The following MICOS10 variants were observed in gnomAD, a reference collection of about 807,000 sequenced individuals.
MICOS10 encodes the protein mitochondrial contact site and cristae organizing system subunit 10.
In MICOS10, 5 loss-of-function variants were observed where a neutral mutation model predicts 13.4. That is an observed-to-expected ratio of 0.37 (90% confidence interval 0.20 to 0.78). The LOEUF (loss-of-function observed/expected upper bound fraction) is 0.78. MICOS10 is among the 30% of genes least tolerant of loss of function. The probability of loss-of-function intolerance (pLI) is 0.47; values close to 1 mark genes in which losing one functional copy is unlikely to be tolerated. For synonymous variants in MICOS10, 35 were observed against 33.6 expected (o/e 1.04, Z -0.15); for missense variants, 101 against 94.6 (o/e 1.07, Z -0.28).
At chr1:19,601,046 C>T in intron 1 of MICOS10, 2 of 1,272,998 alleles carry the variant, frequency 1.6e-6, no homozygotes, top group Non-Finnish European at 2.1e-6. Context: ...TATTTTCCCA[C>T]CTGTTTGCTG....
intron 1 of MICOS10, among the ~76,000 whole-genome samples, chr1:19,615,485 ATAATC>A (rs539672098): frequency 4.2e-4 from 64 of 152,336 alleles, no homozygotes; most frequent in Non-Finnish European, 5.9e-5. Flanking sequence ...CAGCTAGTAA[ATAATC>A]TAATAGTATT....
intron 2 of MICOS10, 123 bp downstream of exon 2, chr1:19,622,270 GT>G: frequency 1.6e-6 from 1 of 636,172 alleles, no homozygotes; most frequent in Non-Finnish European, 2.7e-6. Context: ...CATTTATGGG[GT>G]TAGGTAGCCC....
rs1461103240 is a variant in MICOS10, at chr1:19,627,977, T to G, written c.*1576T>G. 1 of 152,318 alleles carries G rather than the reference T, an allele frequency of 6.6e-6. No individual in the cohort carries two copies. Among genetic ancestry groups the G allele is most frequent in the Non-Finnish European group, 1.5e-5 (1 of 68,100 alleles). 9.4% of individuals were successfully genotyped at this position (152,318 alleles called of 1,614,324 possible). A position where few individuals can be genotyped will look rare whatever the true frequency, so the allele number is the denominator to read the frequency against. On this transcript the variant is annotated 3_prime_UTR_variant, in exon 4 of 4. Coordinates refer to ENST00000322753, the MANE Select transcript of MICOS10 (RefSeq NM_001032363.4). ...TTCCTCTTTATTGCTACTTGGCTGT[T>G]TTTCACTTGGTCCTCTTCATTCTAT...
rs1299799435 is a variant in MICOS10 at position 19,622,182 on chromosome 1, T to C, written c.112+35T>C. ...ACTCTGTCTTTTCAACATAATGTCATAGTGTATACATATACGTAGCAGGGA... is the reference window on the plus strand; with the variant it reads ...ACTCTGTCTTTTCAACATAATGTCACAGTGTATACATATACGTAGCAGGGA... On this transcript the variant is annotated intron_variant, in intron 2 of 3. Transcript: ENST00000322753. 2.6e-6 allele frequency: 4 copies of C among 1,551,206 alleles called. No homozygotes were observed. The African/African-American group carries it at 4.1e-5, about 16-fold the overall frequency.
At chr1:19,613,094 A>T (rs561814645) in intron 1 of MICOS10, among the ~76,000 whole-genome samples, 22 of 152,252 alleles carry the variant, frequency 1.4e-4, no homozygotes, top group African/African-American at 5.1e-4. Flanking sequence ...ATCATGGAAT[A>T]CAGGAAAGGT....
Position 19,597,006 on chromosome 1 carries a change from G to A in MICOS10, c.-40G>A. 2 of 1,567,366 alleles carry A rather than the reference G, an allele frequency of 1.3e-6. No individual in the cohort carries two copies. The highest frequency in any genetic ancestry group is 1.7e-6 in the Non-Finnish European group (2 of 1,160,434). On this transcript the variant is annotated 5_prime_UTR_variant, in exon 1 of 4. Transcript: ENST00000322753. ...GAGACTTTCAGGGGTCGGAGCGCGG[G>A]GGCCGGCCGAGAGGAAAGCTGGAGG...
intron 1 of MICOS10, among the ~76,000 whole-genome samples, chr1:19,601,914 C>T (rs1323721226): frequency 6.6e-6 from 1 of 152,090 alleles, no homozygotes; most frequent in African/African-American, 2.4e-5. Context: ...GACCTCTATT[C>T]TTATTCCTGC....
chr1:19,623,780 C>T (rs940859746), intron 3 of MICOS10, 197 bp downstream of exon 3: 9 of 516,608 alleles, frequency 1.7e-5, no homozygotes, highest in African/African-American at 9.6e-5. Flanking sequence ...CCTTCAGATG[C>T]GTATGTACGT....
chr1:19,597,417 T>G (rs1188713515), intron 1 of MICOS10, among the ~76,000 whole-genome samples: 1 of 152,058 alleles, frequency 6.6e-6, no homozygotes, highest in African/African-American at 2.4e-5. Flanking sequence ...GGGCACACCC[T>G]CGTGCCGGAG....
intron 1 of MICOS10, among the ~76,000 whole-genome samples, chr1:19,605,788 A>G (rs1389635942): frequency 6.6e-6 from 1 of 152,170 alleles, no homozygotes; most frequent in East Asian, 1.9e-4. Flanking sequence ...TCCTGGGCTC[A>G]AGTGATCCTC....
intron 1 of MICOS10, among the ~76,000 whole-genome samples, chr1:19,604,589 C>T (rs1366818984): frequency 1.3e-5 from 2 of 152,162 alleles, no homozygotes; most frequent in Non-Finnish European, 2.9e-5. Context: ...TTACCCTGAT[C>T]TTGGCTATTG....
At chr1:19,615,712 G>T in intron 1 of MICOS10, among the ~76,000 whole-genome samples, 1 of 144,450 alleles carries the variant, frequency 6.9e-6, no homozygotes, top group Admixed American at 7.2e-5. Flanking sequence ...CCCCCGAGTA[G>T]AGCTGGGACT....
At chr1:19,625,605 C>A in intron 3 of MICOS10, 1 of 1,289,344 alleles carries the variant, frequency 7.8e-7, no homozygotes, top group Non-Finnish European at 1.0e-6. Context: ...GTGGGGAGAA[C>A]CGAAAGGAGC....
intron 1 of MICOS10, among the ~76,000 whole-genome samples, chr1:19,621,652 G>A (rs1211954849): frequency 2.0e-5 from 3 of 152,144 alleles, no homozygotes; most frequent in Non-Finnish European, 4.4e-5. Context: ...GAATTGTTCT[G>A]GATTACTGCT....
chr1:19,598,671 G>A (rs2094802221), intron 1 of MICOS10, among the ~76,000 whole-genome samples: 1 of 151,136 alleles, frequency 6.6e-6, no homozygotes, highest in South Asian at 2.1e-4. Context: ...AGCTGAGTTC[G>A]AATCATCCAC....
At chr1:19,600,796 T>A (rs2094811162) in intron 1 of MICOS10, 1 of 781,782 alleles carries the variant, frequency 1.3e-6, no homozygotes, top group Non-Finnish European at 1.9e-6. Context: ...GAGATGGGGT[T>A]TCACCATGTT....
chr1:19,623,002 A>G lies in MICOS10; in HGVS notation c.113-472A>G, dbSNP rs1203993464. ...AGTGGTGCGATCTCAGCTCACTGCA[A>G]CCTCCGCCTCCCTGGTTCAAGCGAT... On this transcript the variant is annotated intron_variant, in intron 2 of 3. Coordinates refer to ENST00000322753, the MANE Select transcript of MICOS10 (RefSeq NM_001032363.4). 2.0e-5 allele frequency among the ~76,000 whole-genome samples: 3 copies of G among 148,888 alleles called. No individual in the cohort carries two copies. The East Asian group carries it at 5.9e-4, about 29-fold the overall frequency.
At chr1:19,625,431 T>G in intron 3 of MICOS10, 1 of 1,289,414 alleles carries the variant, frequency 7.8e-7, no homozygotes. Flanking sequence ...CCAGCCCATG[T>G]CTGCTGGAGA....
chr1:19,599,717 G>C (rs1335349667), intron 1 of MICOS10, among the ~76,000 whole-genome samples: 1 of 152,172 alleles, frequency 6.6e-6, no homozygotes, highest in Non-Finnish European at 1.5e-5. Context: ...TCGAAGCGCA[G>C]AGAGGTTAAA....
Sources: allele counts gnomAD v4.1 joint callset (sites outside exome capture counted in the v4.1 genomes callset), GRCh38; gene constraint gnomAD v4.1.1; transcripts MANE v1.5; gene names NCBI Gene and HGNC (gene_info 2026-07-23, HGNC 2026-07-21).